ADAMTSL1: variants seen among roughly 807,000 people sequenced by gnomAD.
The protein encoded by ADAMTSL1 is ADAMTS-like protein 1.
Under a neutral mutation model 201.8 loss-of-function variants are expected in ADAMTSL1, and 126 were observed. The observed-to-expected ratio is 0.62, with a 90% CI of 0.54 to 0.72. ADAMTSL1 has a LOEUF of 0.72. Ranked by LOEUF, ADAMTSL1 falls within the 30% of genes least tolerant of loss-of-function variation. ADAMTSL1 has a pLI of 0.00. For synonymous variants in ADAMTSL1, 1,121 were observed against 903.4 expected (o/e 1.24, Z -4.32); for missense variants, 2,679 against 2,277.8 (o/e 1.18, Z -3.59).
intron 23 of ADAMTSL1, among the ~76,000 whole-genome samples, chr9:18,839,813 T>C (rs1825594187): frequency 6.6e-6 from 1 of 151,738 alleles, no homozygotes; most frequent in Non-Finnish European, 1.5e-5. Flanking sequence ...TCATGTGTTT[T>C]TTGGCTGCAT....
chr9:18,444,584 A>G (rs749344225), intron 2 of ADAMTSL1, among the ~76,000 whole-genome samples: 17 of 152,168 alleles, frequency 1.1e-4, no homozygotes, highest in Non-Finnish European at 2.1e-4. Flanking sequence ...GCAGATCCTC[A>G]GTATTTCACC....
intron 3 of ADAMTSL1, among the ~76,000 whole-genome samples, chr9:18,541,686 C>T (rs970842153): frequency 3.9e-5 from 6 of 152,142 alleles, no homozygotes; most frequent in South Asian, 2.1e-4. Flanking sequence ...TGCTTTCAAA[C>T]GCGTTTATTA....
intron 2 of ADAMTSL1, among the ~76,000 whole-genome samples, chr9:18,527,463 G>A (rs546599970): frequency 2.6e-5 from 4 of 152,242 alleles, no homozygotes; most frequent in South Asian, 4.2e-4. Context: ...GTAAAGGAGC[G>A]ATAAATCAAA....
At chr9:18,508,307 A>C (rs1190760285) in intron 2 of ADAMTSL1, among the ~76,000 whole-genome samples, 3 of 152,096 alleles carry the variant, frequency 2.0e-5, no homozygotes, top group African/African-American at 4.8e-5. Context: ...TCACTTCACA[A>C]GTTTTATTAA....
intron 2 of ADAMTSL1, among the ~76,000 whole-genome samples, chr9:18,227,570 A>G (rs78696041): frequency 0.017 from 2,565 of 152,278 alleles, 57 homozygotes; most frequent in African/African-American, 0.045. Context: ...GCCCCACTCT[A>G]TGCAAGATGG....
chr9:18,731,572 A>G (rs1038232555), intron 15 of ADAMTSL1, among the ~76,000 whole-genome samples: 1 of 152,200 alleles, frequency 6.6e-6, no homozygotes, highest in Non-Finnish European at 1.5e-5. Context: ...TCAAGGCTGC[A>G]GTGAGCCGTG....
chr9:18,533,318 A>T (rs368629187), intron 3 of ADAMTSL1, 26 bp downstream of exon 3: 2 of 1,593,802 alleles, frequency 1.3e-6, no homozygotes, highest in African/African-American at 2.7e-5. Context: ...TGAGATTGTA[A>T]TCATGTATTT....
In ADAMTSL1 at chr9:18,570,964, T is replaced by C. The variant is rs529947881; in HGVS notation, c.238-3066T>C. Among the ~76,000 whole-genome samples the C allele has an allele frequency of 2.0e-5, 3 of 152,328 alleles. No homozygotes were observed. In the South Asian group the frequency reaches 6.2e-4, roughly 32 times the overall value. The stretch of plus-strand genomic sequence containing the variant: ...GCAAATAAGAACATCTGTCTGCATG[T>C]TGAGTCTCTAAGATGTGTCTAAATG... On this transcript the variant is annotated intron_variant, in intron 3 of 28. Coordinates refer to ENST00000380548, the MANE Select transcript of ADAMTSL1 (RefSeq NM_001040272.6).
chr9:18,043,347 A>G (rs139458586), intron 1 of ADAMTSL1, among the ~76,000 whole-genome samples: 9 of 152,200 alleles, frequency 5.9e-5, no homozygotes, highest in African/African-American at 2.2e-4. Context: ...AAAGTAGTGG[A>G]TTTCCTTAAA....
intron 2 of ADAMTSL1, among the ~76,000 whole-genome samples, chr9:18,394,930 A>G (rs9407903): frequency 0.17 from 26,154 of 152,184 alleles, 2,389 homozygotes; most frequent in South Asian, 0.29. Flanking sequence ...GGCTGTGGAG[A>G]TGTGTCTGTT....
At chr9:18,712,974 C>A (rs893079088) in intron 14 of ADAMTSL1, among the ~76,000 whole-genome samples, 1 of 151,160 alleles carries the variant, frequency 6.6e-6, no homozygotes, top group Non-Finnish European at 1.5e-5. Flanking sequence ...AATTTTCAAC[C>A]CAGAATTTCA....
intron 1 of ADAMTSL1, among the ~76,000 whole-genome samples, chr9:17,954,237 A>C (rs1827844089): frequency 6.6e-6 from 1 of 152,198 alleles, no homozygotes; most frequent in South Asian, 2.1e-4. Context: ...GCATTTCAAG[A>C]GGCCTAGGCA....
chr9:18,645,001 C>T (rs573943068), intron 7 of ADAMTSL1, among the ~76,000 whole-genome samples: 1 of 152,062 alleles, frequency 6.6e-6, no homozygotes, highest in Non-Finnish European at 1.5e-5. Context: ...TACAGTCCCA[C>T]CAACAGTGTA....
intron 1 of ADAMTSL1, among the ~76,000 whole-genome samples, chr9:18,099,337 ATATATATATATATATATATTTT>A (rs1453338691): frequency 4.6e-5 from 2 of 43,180 alleles, no homozygotes; most frequent in East Asian, 3.8e-4. Context: ...ATATATATAT[ATATATATATATATATATATTTT>A]TTTTTTTTTT....
chr9:18,258,545 C>T (rs930384458), intron 2 of ADAMTSL1, among the ~76,000 whole-genome samples: 1 of 152,142 alleles, frequency 6.6e-6, no homozygotes, highest in Non-Finnish European at 1.5e-5. Context: ...CATTCTGTTC[C>T]AAAGGGAGAG....
chr9:18,097,428 T>C (rs1018339790), intron 1 of ADAMTSL1, among the ~76,000 whole-genome samples: 4 of 152,210 alleles, frequency 2.6e-5, no homozygotes, highest in Non-Finnish European at 5.9e-5. Context: ...CTTTGGTAAA[T>C]ACCTAGGAAT....
intron 2 of ADAMTSL1, among the ~76,000 whole-genome samples, chr9:18,219,085 C>G (rs920539146): frequency 6.6e-6 from 1 of 151,662 alleles, no homozygotes; most frequent in Non-Finnish European, 1.5e-5. Context: ...TTTCATTACT[C>G]TATTGACTTA....
chr9:17,988,472 G>GA (rs1242401480), intron 1 of ADAMTSL1, among the ~76,000 whole-genome samples: 4 of 151,762 alleles, frequency 2.6e-5, no homozygotes, highest in Non-Finnish European at 5.9e-5. Context: ...ACACTGATGT[G>GA]AAAATCACAA....
intron 16 of ADAMTSL1, among the ~76,000 whole-genome samples, chr9:18,766,755 A>T (rs954728192): frequency 3.9e-5 from 6 of 152,086 alleles, no homozygotes; most frequent in Non-Finnish European, 8.8e-5. Context: ...GAGGATACTT[A>T]TCCCATTCTT....
Sources: gnomAD v4.1 joint callset for allele counts (sites outside exome capture counted in the v4.1 genomes callset) on GRCh38, gnomAD v4.1.1 for gene constraint, MANE v1.5 for transcripts, NCBI Gene and HGNC (gene_info 2026-07-23, HGNC 2026-07-21) for gene names.